Variants in GRID2 observed in about 807,000 individuals in gnomAD.
GRID2 encodes glutamate ionotropic receptor delta type subunit 2.
In GRID2, 33 loss-of-function variants were observed where a neutral mutation model predicts 114.8. The ratio of observed to expected loss-of-function variants is 0.29; its 90% CI spans 0.22 to 0.38. The LOEUF (loss-of-function observed/expected upper bound fraction) is 0.38. Ranked by LOEUF, GRID2 falls within the 10% of genes least tolerant of loss-of-function variation. GRID2 has a pLI of 1.00. For missense variants in GRID2, 1,184 were observed against 1,257.7 expected (o/e 0.94, Z 0.89); for synonymous variants, 505 against 449.9 (o/e 1.12, Z -1.55).
chr4:92,909,498 C>T (rs1166259962), intron 2 of GRID2, among the ~76,000 whole-genome samples: 5 of 151,982 alleles, frequency 3.3e-5, no homozygotes, highest in African/African-American at 1.2e-4. Flanking sequence ...CTGATTATGG[C>T]TTTAATTTTA....
At chr4:92,578,733 AATCT>A (rs75145260) in intron 1 of GRID2, among the ~76,000 whole-genome samples, 2,004 of 149,434 alleles carry the variant, frequency 0.013, 74 homozygotes, top group Admixed American at 0.084. Context: ...TCTATCTATC[AATCT>A]ATCTATCTAT....
At chr4:93,614,628 A>T (rs1395269011) in intron 13 of GRID2, among the ~76,000 whole-genome samples, 1 of 152,204 alleles carries the variant, frequency 6.6e-6, no homozygotes, top group Non-Finnish European at 1.5e-5. Flanking sequence ...CAGGGTCAAT[A>T]AGTAGTAACT....
intron 2 of GRID2, among the ~76,000 whole-genome samples, chr4:92,684,017 G>A (rs1733780822): frequency 6.6e-6 from 1 of 151,858 alleles, no homozygotes; most frequent in Non-Finnish European, 1.5e-5. Context: ...AAATAGATTT[G>A]TAGAGTATAA....
At chr4:92,801,842 T>C (rs1348269703) in intron 2 of GRID2, among the ~76,000 whole-genome samples, 1 of 151,832 alleles carries the variant, frequency 6.6e-6, no homozygotes, top group Admixed American at 6.6e-5. Flanking sequence ...TATCCTTATT[T>C]TATAGATAAA....
At chr4:93,776,866 G>A (rs754353323), downstream of GRID2, among the ~76,000 whole-genome samples, 23 of 152,168 alleles carry the variant, frequency 1.5e-4, no homozygotes, top group Non-Finnish European at 3.1e-4. Context: ...ACCCTTAGGT[G>A]TCCTCATCGG....
chr4:93,159,141 G>A (rs151285405), intron 4 of GRID2, among the ~76,000 whole-genome samples: 2 of 150,878 alleles, frequency 1.3e-5, no homozygotes, highest in East Asian at 3.9e-4. Flanking sequence ...CCTAGCAGTT[G>A]CCTGGCCTCC....
intron 1 of GRID2, among the ~76,000 whole-genome samples, chr4:92,442,227 T>C (rs968700732): frequency 1.8e-4 from 28 of 151,840 alleles, no homozygotes; most frequent in Middle Eastern, 3.4e-3. Flanking sequence ...CGGTGTTAGT[T>C]TTCAGCCGCT....
chr4:92,949,382 A>T (rs965587449), intron 2 of GRID2, among the ~76,000 whole-genome samples: 1 of 152,084 alleles, frequency 6.6e-6, no homozygotes, highest in Non-Finnish European at 1.5e-5. Flanking sequence ...ACATATGTAT[A>T]CATGTGCCAT....
intron 12 of GRID2, among the ~76,000 whole-genome samples, chr4:93,508,800 A>G (rs956215630): frequency 6.6e-6 from 1 of 152,214 alleles, no homozygotes; most frequent in Non-Finnish European, 1.5e-5. Flanking sequence ...CCTAAACACA[A>G]TGCTGAAATG....
intron 14 of GRID2, among the ~76,000 whole-genome samples, chr4:93,631,217 T>TC (rs1743214895): frequency 9.0e-6 from 1 of 111,660 alleles, no homozygotes; most frequent in South Asian, 3.7e-4. Flanking sequence ...AGGGATTCTC[T>TC]TTTTTTTTTA....
Position 93,673,928 on chromosome 4 carries a change from C to T in GRID2, c.2360+47493C>T, listed in dbSNP as rs114338421. On this transcript the variant is annotated intron_variant, in intron 14 of 15. Coordinates refer to ENST00000282020, the MANE Select transcript of GRID2 (RefSeq NM_001510.4). Reference sequence around the variant, plus strand: ...CTCTCAGAGCACCAACTAGTGACCCCGCCCTCTCTAGTTCCCTCTTTTCTT... The same window carrying T: ...CTCTCAGAGCACCAACTAGTGACCCTGCCCTCTCTAGTTCCCTCTTTTCTT... Among the ~76,000 whole-genome samples, 793 of 152,152 alleles carry T rather than the reference C, an allele frequency of 5.2e-3. 6 individuals carry two copies. The highest frequency in any genetic ancestry group is 0.018 in the African/African-American group (740 of 41,520).
chr4:92,556,648 A>G (rs1726863351), intron 1 of GRID2, among the ~76,000 whole-genome samples: 1 of 152,064 alleles, frequency 6.6e-6, no homozygotes, highest in Non-Finnish European at 1.5e-5. Flanking sequence ...CTGGGGATGT[A>G]GTCATCTGAA....
At chr4:93,336,959 G>A (rs1317952886) in intron 8 of GRID2, among the ~76,000 whole-genome samples, 2 of 134,716 alleles carry the variant, frequency 1.5e-5, no homozygotes, top group Non-Finnish European at 3.0e-5. Flanking sequence ...AAAAGATGTG[G>A]CATCCAAAAA....
intron 2 of GRID2, among the ~76,000 whole-genome samples, chr4:92,886,768 G>C (rs1746398603): frequency 6.6e-6 from 1 of 152,058 alleles, no homozygotes; most frequent in Admixed American, 6.6e-5. Context: ...TGGGACTACA[G>C]GTGCCCGCCA....
At chr4:93,738,787 TAGAA>T (rs1213679001) in intron 14 of GRID2, among the ~76,000 whole-genome samples, 4 of 152,020 alleles carry the variant, frequency 2.6e-5, no homozygotes, top group Admixed American at 6.6e-5. Context: ...ATTAGATTAT[TAGAA>T]AGATTATTAT....
intron 2 of GRID2, among the ~76,000 whole-genome samples, chr4:93,060,183 G>C (rs1327938293): frequency 1.3e-5 from 2 of 152,132 alleles, no homozygotes; most frequent in African/African-American, 4.8e-5. Context: ...AGACTCCCCA[G>C]TTAATGAGGT....
intron 2 of GRID2, among the ~76,000 whole-genome samples, chr4:92,807,077 A>C (rs1740454308): frequency 2.0e-5 from 3 of 152,004 alleles, no homozygotes; most frequent in African/African-American, 7.2e-5. Flanking sequence ...AGTTTTCTAC[A>C]TATTCATCCA....
intron 13 of GRID2, among the ~76,000 whole-genome samples, chr4:93,568,454 A>G (rs1735636781): frequency 6.6e-6 from 1 of 152,152 alleles, no homozygotes; most frequent in South Asian, 2.1e-4. Flanking sequence ...AGATTCTAAA[A>G]TGCATGGGAC....
At chr4:92,679,708 G>T (rs545851008) in intron 2 of GRID2, among the ~76,000 whole-genome samples, 2 of 151,682 alleles carry the variant, frequency 1.3e-5, no homozygotes, top group African/African-American at 4.8e-5. Flanking sequence ...TGTTAATTGC[G>T]TCTGAATAGT....
Sources: gnomAD v4.1 joint callset for allele counts (sites outside exome capture counted in the v4.1 genomes callset) on GRCh38, gnomAD v4.1.1 for gene constraint, MANE v1.5 for transcripts, NCBI Gene and HGNC (gene_info 2026-07-23, HGNC 2026-07-21) for gene names.